The following DHCR24 variants were observed in gnomAD, a reference collection of about 807,000 sequenced individuals.
DHCR24 encodes the protein 24-dehydrocholesterol reductase.
A neutral mutation model predicts 61.2 loss-of-function variants in DHCR24; 28 were observed. The observed-to-expected ratio is 0.46, with a 90% confidence interval of 0.34 to 0.63. DHCR24 has a LOEUF of 0.63. DHCR24 is among the 20% of genes least tolerant of loss of function. The pLI is 0.01. For missense variants in DHCR24, 538 were observed against 679.1 expected (o/e 0.79, Z 2.31); for synonymous variants, 261 against 275.9 (o/e 0.95, Z 0.54).
intron 6 of DHCR24, among the ~76,000 whole-genome samples, chr1:54,855,343 G>A (rs1206154650): frequency 6.6e-6 from 1 of 150,966 alleles, no homozygotes; most frequent in African/African-American, 2.4e-5. Flanking sequence ...GCAGTGAGCC[G>A]AGATTGTGCC....
intron 5 of DHCR24, among the ~76,000 whole-genome samples, chr1:54,869,528 A>G (rs1351762828): frequency 6.6e-6 from 1 of 152,178 alleles, no homozygotes; most frequent in Non-Finnish European, 1.5e-5. Context: ...AATTAGGCCA[A>G]TTATTTACAT....
chr1:54,886,341 T>C (rs1374388160), intron 1 of DHCR24, among the ~76,000 whole-genome samples: 1 of 152,136 alleles, frequency 6.6e-6, no homozygotes, highest in African/African-American at 2.4e-5. Flanking sequence ...GCTTTAGTCT[T>C]CTATCCTAAA....
chr1:54,853,616 G>A lies in DHCR24; in HGVS notation c.1219-4C>T. 2 of 1,612,774 alleles carry A rather than the reference G, an allele frequency of 1.2e-6. No homozygotes were observed. The highest frequency in any genetic ancestry group is 1.7e-6 in the Non-Finnish European group (2 of 1,179,566). On this transcript the variant is annotated splice_region_variant and splice_polypyrimidine_tract_variant and intron_variant, in intron 7 of 8. Coordinates refer to ENST00000371269, the MANE Select transcript of DHCR24 (RefSeq NM_014762.4). ...GACACAGCCAGATGGGGTAGACCTG[G>A]GTAGACCAGGGAGGTGGGTATTGGT...
chr1:54,874,946 G>A, intron 4 of DHCR24, 147 bp downstream of exon 4: 1 of 750,190 alleles, frequency 1.3e-6, no homozygotes, highest in South Asian at 1.4e-5. Context: ...CTCATATAAG[G>A]GGCTACACAA....
At chr1:54,877,350 TATAC>T (rs1647039106) in intron 2 of DHCR24, among the ~76,000 whole-genome samples, 1 of 150,768 alleles carries the variant, frequency 6.6e-6, no homozygotes, top group Non-Finnish European at 1.5e-5. Context: ...ATTTTTAATG[TATAC>T]ATCCCTTGGA....
chr1:54,862,305 G>A (rs1646942711), intron 6 of DHCR24, among the ~76,000 whole-genome samples: 2 of 152,054 alleles, frequency 1.3e-5, no homozygotes, highest in Admixed American at 6.6e-5. Flanking sequence ...TGTGTCCACC[G>A]CCTTGTCTCC....
chr1:54,879,147 C>T (rs894886111), intron 2 of DHCR24, among the ~76,000 whole-genome samples: 10 of 151,806 alleles, frequency 6.6e-5, no homozygotes, highest in African/African-American at 2.4e-4. Context: ...GGCGAAACTC[C>T]GTCTACTAAA....
intron 6 of DHCR24, among the ~76,000 whole-genome samples, chr1:54,859,016 G>A (rs772058962): frequency 1.3e-5 from 2 of 152,192 alleles, no homozygotes; most frequent in Non-Finnish European, 2.9e-5. Flanking sequence ...CCTCCCCTGA[G>A]TATGGGCTGG....
At chr1:54,864,194 T>C (rs1407461864) in intron 6 of DHCR24, among the ~76,000 whole-genome samples, 1 of 152,166 alleles carries the variant, frequency 6.6e-6, no homozygotes, top group Non-Finnish European at 1.5e-5. Flanking sequence ...GCAATTCCAC[T>C]CCTAGTTCTA....
rs1422018255 is a variant in DHCR24, at chr1:54,851,013, T to C, written c.*1220A>G. On this transcript the variant is annotated 3_prime_UTR_variant, in exon 9 of 9. Transcript: ENST00000371269. ...GTTTTCAGCTGAGGCTGGGCAGTTC[T>C]TAAGATAGAGTTGCATAAACAACCA... The C allele has an allele frequency of 6.6e-6, 1 of 152,568 alleles. No individual in the cohort carries two copies. The highest frequency in any genetic ancestry group is 1.5e-5 in the Non-Finnish European group (1 of 68,026). 9.5% of individuals were successfully genotyped at this position (152,568 alleles called of 1,614,324 possible).
At chr1:54,871,200 A>T (rs1570193999) in intron 5 of DHCR24, 150 bp downstream of exon 5, 1 of 821,440 alleles carries the variant, frequency 1.2e-6, no homozygotes, top group East Asian at 2.7e-5. Flanking sequence ...ATTTCTGATG[A>T]TAGATCCTGT....
chr1:54,865,233 AGTGTTAACT>A, intron 6 of DHCR24, 61 bp downstream of exon 6: 2 of 1,552,738 alleles, frequency 1.3e-6, no homozygotes, highest in Non-Finnish European at 1.8e-6. Flanking sequence ...GTATGGCTAC[AGTGTTAACT>A]GTCCGGGCTC....
intron 6 of DHCR24, among the ~76,000 whole-genome samples, chr1:54,855,853 T>C (rs527798978): frequency 3.3e-5 from 5 of 152,118 alleles, no homozygotes; most frequent in East Asian, 3.9e-4. Context: ...GAAATCCCCA[T>C]AGTACAAAAG....
rs1004491331 is a variant in DHCR24 at position 54,883,827 on chromosome 1, C to T, written c.232-54G>A. ...GCCCCACTGGGAATCCCCAGAGCAG[C>T]CTGCAGCCCTGCTTTCTTCAAGGGC... On this transcript the variant is annotated intron_variant, in intron 1 of 8. Coordinates refer to ENST00000371269, the MANE Select transcript of DHCR24 (RefSeq NM_014762.4). The surrounding 1 kb of genome is among the most constrained non-coding windows in gnomAD (Gnocchi z 4.3). The T allele has an allele frequency of 6.2e-7, 1 of 1,610,652 alleles. No individual in the cohort carries two copies. Among genetic ancestry groups the T allele is most frequent in the East Asian group, 2.2e-5 (1 of 44,872 alleles).
In DHCR24 at chr1:54,883,899, G is replaced by GAA; in HGVS notation, c.232-128_232-127dup. ...TCAGGCACTGGAGAAACAGAACAATGAAAAGGCCTGCTGGCCCTACCCTCT... is the reference window on the plus strand; with the variant it reads ...TCAGGCACTGGAGAAACAGAACAATGAAAAAAGGCCTGCTGGCCCTACCCTCT... On this transcript the variant is annotated intron_variant, in intron 1 of 8. Transcript: ENST00000371269. This position sits in a 1 kb window ranked among gnomAD's most constrained non-coding sequence, Gnocchi z 4.3. The GAA allele has an allele frequency of 7.4e-7, 1 of 1,343,690 alleles. No individual in the cohort carries two copies. Among genetic ancestry groups the GAA allele is most frequent in the Non-Finnish European group, 1.0e-6 (1 of 962,782 alleles). The allele number at this position is 1,343,690 out of a possible 1,614,324, so 83.2% of individuals were successfully genotyped here. A position where few individuals can be genotyped will look rare whatever the true frequency, so the allele number is the denominator to read the frequency against.
intron 6 of DHCR24, among the ~76,000 whole-genome samples, chr1:54,856,635 G>A (rs1345622730): frequency 1.3e-5 from 2 of 151,752 alleles, no homozygotes; most frequent in East Asian, 1.9e-4. Context: ...ACCCCTGCTC[G>A]ATTACAGCAG....
rs541776101 is a variant in DHCR24 at position 54,852,109 on chromosome 1, G to A, written c.*124C>T. 1.4e-5 allele frequency: 17 copies of A among 1,188,562 alleles called. No individual in the cohort carries two copies. Among genetic ancestry groups the A allele is most frequent in the Non-Finnish European group, 2.0e-5 (17 of 839,468 alleles). The allele number at this position is 1,188,562 out of a possible 1,614,324, so 73.6% of individuals were successfully genotyped here. A position where few individuals can be genotyped will look rare whatever the true frequency, so the allele number is the denominator to read the frequency against. Reference sequence around the variant, plus strand: ...GCCAGGAGGAAGGTGGTGTTGGGCTGTCAGGGTGGGAGTTCTGGAGGGGTT... The same window carrying A: ...GCCAGGAGGAAGGTGGTGTTGGGCTATCAGGGTGGGAGTTCTGGAGGGGTT... On this transcript the variant is annotated 3_prime_UTR_variant, in exon 9 of 9. Transcript: ENST00000371269.
rs1361046319 is a variant in DHCR24, at chr1:54,883,947, C to T, written c.232-174G>A. Among the ~76,000 whole-genome samples, 1 of 152,230 alleles carries T rather than the reference C, an allele frequency of 6.6e-6. No homozygotes were observed. The highest frequency in any genetic ancestry group is 1.5e-5 in the Non-Finnish European group (1 of 68,054). On this transcript the variant is annotated intron_variant, in intron 1 of 8. Transcript: ENST00000371269. This position sits in a 1 kb window ranked among gnomAD's most constrained non-coding sequence, Gnocchi z 4.3. ...TCTGGCACCTCCCTGGCCAGCAAGG[C>T]TGACAGAAAAGCCAACATATTGCTA...
intron 2 of DHCR24, among the ~76,000 whole-genome samples, chr1:54,876,975 G>C (rs904617395): frequency 6.6e-6 from 1 of 151,800 alleles, no homozygotes; most frequent in Non-Finnish European, 1.5e-5. Context: ...AGGAAGGCGG[G>C]GACAACTTGA....
Sources: gnomAD v4.1 joint callset for allele counts (sites outside exome capture counted in the v4.1 genomes callset) on GRCh38, gnomAD v4.1.1 for gene constraint, Gnocchi (gnomAD v3.1) non-coding constraint, MANE v1.5 for transcripts, NCBI Gene and HGNC (gene_info 2026-07-23, HGNC 2026-07-21) for gene names.